Variants in GIT2 observed in about 807,000 individuals in gnomAD.
The protein encoded by GIT2 is ARF GTPase-activating protein GIT2.
In GIT2, 32 loss-of-function variants were observed where a neutral mutation model predicts 100.3. The ratio of observed to expected loss-of-function variants is 0.32; its 90% confidence interval spans 0.24 to 0.43. GIT2 has a LOEUF of 0.43. Ranked by LOEUF, GIT2 falls within the 20% of genes least tolerant of loss-of-function variation. The pLI is 1.00. For synonymous variants in GIT2, 353 were observed against 364.1 expected, an observed-to-expected ratio of 0.97 and a Z score of 0.35; for missense variants, 737 against 975.1, an observed-to-expected ratio of 0.76 and a Z score of 3.25.
At chr12:109,968,155 T>C (rs1389506469) in intron 7 of GIT2, among the ~76,000 whole-genome samples, 1 of 152,226 alleles carries the variant, frequency 6.6e-6, no homozygotes, top group African/African-American at 2.4e-5. Flanking sequence ...TGCCAGACCT[T>C]TTCCCTTGAG....
upstream of GIT2, chr12:109,999,811 C>T (rs1269836713): frequency 2.6e-6 from 4 of 1,513,292 alleles, no homozygotes; most frequent in Middle Eastern, 1.7e-4. The surrounding 1 kb of genome is among the most constrained non-coding windows in gnomAD (Gnocchi z 4.3). Context: ...GGGTCCGTCT[C>T]CCGGTGGGGA....
At chr12:109,939,544 CATA>C in intron 16 of GIT2, 1 of 235,732 alleles carries the variant, frequency 4.2e-6, no homozygotes, top group African/African-American at 2.3e-5. Context: ...AAATTTATAA[CATA>C]ATGAGATGCA....
chr12:109,955,720 T>C (rs1879242446), intron 12 of GIT2, among the ~76,000 whole-genome samples: 1 of 152,092 alleles, frequency 6.6e-6, no homozygotes, highest in Non-Finnish European at 1.5e-5. Context: ...CCACTTTTTT[T>C]CTTTTTTTAT....
intron 16 of GIT2, among the ~76,000 whole-genome samples, chr12:109,940,864 G>C (rs927128419): frequency 1.3e-4 from 19 of 149,690 alleles, no homozygotes; most frequent in Non-Finnish European, 3.0e-5. Flanking sequence ...GGGTGACAGA[G>C]CTAGACCCTA....
At chr12:109,984,968 G>A (rs1887054102) in intron 4 of GIT2, among the ~76,000 whole-genome samples, 1 of 152,064 alleles carries the variant, frequency 6.6e-6, no homozygotes, top group Admixed American at 6.6e-5. Flanking sequence ...TTCAGGGTAG[G>A]AAAAGGCCCG....
At chr12:109,977,467 C>T (rs1477119855) in intron 7 of GIT2, among the ~76,000 whole-genome samples, 2 of 152,106 alleles carry the variant, frequency 1.3e-5, no homozygotes, top group Non-Finnish European at 2.9e-5. Flanking sequence ...GTCGAGATCA[C>T]GCCACTGCAC....
Position 109,959,862 on chromosome 12 carries a change from G to C in GIT2, c.1084C>G (p.Leu362Val), listed in dbSNP as rs1246525046. 1.2e-6 allele frequency: 2 copies of C among 1,609,128 alleles called. No homozygotes were observed. The highest frequency in any genetic ancestry group is 2.2e-5 in the South Asian group (2 of 90,948). ...DAKRRQQGSS[L>V]SGSKDNVELI... ...GAGCAGTTACCTTTTGAACCCGAGA[G>C]AGAACTGCCCTGCTGTCTCCTCTTG... The change falls in exon 12 of 20, where the codon CTC becomes GTC. Residue 362 changes from leucine to valine, a missense_variant. Around this residue, in one of 3 missense-constraint regions of GIT2, gnomAD observed 451 missense variants for 543.7 expected, o/e 0.83. Transcript: ENST00000355312.
chr12:109,956,149 C>T (rs1427199627), intron 12 of GIT2, among the ~76,000 whole-genome samples: 1 of 152,108 alleles, frequency 6.6e-6, no homozygotes, highest in Non-Finnish European at 1.5e-5. Context: ...TCAGGCTGGT[C>T]TCGAACTCCT....
At chr12:109,935,794 C>T (rs141667011) in intron 18 of GIT2, among the ~76,000 whole-genome samples, 36 of 152,094 alleles carry the variant, frequency 2.4e-4, no homozygotes, top group African/African-American at 8.7e-4. Context: ...TTCCTAAGGC[C>T]ATCTCTCAAA....
chr12:109,953,295 C>T, intron 12 of GIT2, 61 bp from the exon 13 acceptor site: 1 of 1,559,332 alleles, frequency 6.4e-7, no homozygotes, highest in African/African-American at 1.4e-5. Context: ...TTCCAAAAAA[C>T]TACGGAGAGG....
chr12:109,952,092 C>G (rs1214774066), intron 13 of GIT2, among the ~76,000 whole-genome samples: 1 of 152,140 alleles, frequency 6.6e-6, no homozygotes, highest in African/African-American at 2.4e-5. Context: ...GCAGGGGTGT[C>G]CCCTGCATCT....
chr12:109,945,892 T>C (rs1293216070), intron 15 of GIT2, among the ~76,000 whole-genome samples: 1 of 152,130 alleles, frequency 6.6e-6, no homozygotes, highest in Non-Finnish European at 1.5e-5. Flanking sequence ...CCTAGCACTT[T>C]GGGAGGCTGA....
intron 18 of GIT2, among the ~76,000 whole-genome samples, chr12:109,937,976 TAC>T (rs1011901886): frequency 6.6e-6 from 1 of 152,190 alleles, no homozygotes; most frequent in Non-Finnish European, 1.5e-5. Flanking sequence ...GTGCCGGGAT[TAC>T]AGGTGTGAGC....
chr12:109,996,522 G>A (rs1593183791), upstream of GIT2: 3 of 388,516 alleles, frequency 7.7e-6, no homozygotes, highest in East Asian at 4.2e-5. Flanking sequence ...TTCTTCTCTG[G>A]CAGAGATTCC....
rs1352605587 is a variant in GIT2 at position 109,996,179 on chromosome 12, C to T, written c.46G>A (p.Gly16Arg). 1 of 1,523,874 alleles carries T rather than the reference C, an allele frequency of 6.6e-7. No homozygotes were observed. Among genetic ancestry groups the T allele is most frequent in the Non-Finnish European group, 8.8e-7 (1 of 1,135,066 alleles). 94.4% of individuals were successfully genotyped at this position (1,523,874 alleles called of 1,614,324 possible). Residue 16 changes from glycine (G) to arginine (R), a missense_variant, in exon 1 of 20, where the codon GGG (glycine) becomes AGG (arginine). This residue lies in a region of GIT2 where 266 missense variants were observed against 376.2 expected (regional missense o/e 0.71). Transcript: ENST00000355312. ...RSSEVCADCS[G>R]PDPSWASVNR... ...CCCGGCCGGTGCGACTCACCCGGCCCGCTGCAGTCAGCGCACACCTCGCTG... is the reference window on the plus strand; with the variant it reads ...CCCGGCCGGTGCGACTCACCCGGCCTGCTGCAGTCAGCGCACACCTCGCTG...
chr12:109,996,466 C>A, upstream of GIT2: 1 of 502,522 alleles, frequency 2.0e-6, no homozygotes. Flanking sequence ...GGGCAGGAGA[C>A]TGCCCGAGTA....
intron 3 of GIT2, among the ~76,000 whole-genome samples, chr12:109,989,410 C>T (rs1206183115): frequency 2.6e-5 from 4 of 152,126 alleles, no homozygotes; most frequent in African/African-American, 9.7e-5. Flanking sequence ...CTGGTCTGAT[C>T]GCCTCTTATT....
chr12:109,945,293 T>A lies in GIT2; in HGVS notation c.1698A>T (p.Thr566=), dbSNP rs1261812030. ...SSSSLPSFPS[T]LSWSRDESAR... ...CGCTTTCGTCCCTCGACCAGGAAAG[T>A]GTGGAGGGGAAGGAAGGCAGAGATG... is the stretch of plus-strand genomic sequence containing the variant. The change falls in exon 16 of 20, where the codon ACA becomes ACT. Residue 566 remains threonine (T), a synonymous_variant. Coordinates refer to ENST00000355312, the MANE Select transcript of GIT2 (RefSeq NM_057169.5). 7 of 1,580,606 alleles carry A rather than the reference T, an allele frequency of 4.4e-6. No individual in the cohort carries two copies. In the South Asian group the frequency reaches 7.8e-5, roughly 18 times the overall value.
At position 109,996,326 on chromosome 12, in the gene GIT2, T is replaced by TGACGGCGGCGCC. The variant is rs2137046121; in HGVS notation, c.-114_-103dup. ...TAACGGGTCCCAGCTGCGGCGGCGC[T>TGACGGCGGCGCC]GACGGCGGCGCCTCTCCCCTCAGCG... On this transcript the variant is annotated 5_prime_UTR_variant, in exon 1 of 20. Coordinates refer to ENST00000355312, the MANE Select transcript of GIT2 (RefSeq NM_057169.5). 3.8e-6 allele frequency: 3 copies of TGACGGCGGCGCC among 788,206 alleles called. No individual in the cohort carries two copies. Among genetic ancestry groups the TGACGGCGGCGCC allele is most frequent in the Non-Finnish European group, 5.9e-6 (3 of 507,850 alleles). 48.8% of individuals were successfully genotyped at this position (788,206 alleles called of 1,614,324 possible).
Sources: gnomAD v4.1 joint callset for allele counts (sites outside exome capture counted in the v4.1 genomes callset) on GRCh38, gnomAD v4.1.1 for gene constraint, gnomAD v4.1.1 regional missense constraint, Gnocchi (gnomAD v3.1) non-coding constraint, MANE v1.5 for transcripts, NCBI Gene and HGNC (gene_info 2026-07-23, HGNC 2026-07-21) for gene names.